Variants in PRTG observed in about 807,000 individuals in gnomAD.
PRTG encodes the protein immunoglobulin superfamily, DCC subclass, member 5.
In PRTG, 67 loss-of-function variants were observed where a neutral mutation model predicts 122.5. The ratio of observed to expected loss-of-function variants is 0.55; its 90% CI spans 0.45 to 0.67. PRTG has a LOEUF of 0.67. Ranked by LOEUF, PRTG falls within the 30% of genes least tolerant of loss-of-function variation. The pLI is 0.00. For synonymous variants in PRTG, 554 were observed against 501.1 expected (o/e 1.11, Z -1.41); for missense variants, 1,435 against 1,415.4 (o/e 1.01, Z -0.22).
At chr15:55,628,453 C>T (rs1411424250) in intron 16 of PRTG, among the ~76,000 whole-genome samples, 9 of 151,784 alleles carry the variant, frequency 5.9e-5, no homozygotes, top group Admixed American at 5.9e-4. Flanking sequence ...TTAATGAAAA[C>T]CATGCTCTCT....
intron 12 of PRTG, 43 bp from the exon 13 acceptor site, chr15:55,639,871 T>C: frequency 6.2e-7 from 1 of 1,601,920 alleles, no homozygotes; most frequent in Non-Finnish European, 8.5e-7. Flanking sequence ...GACATAACAT[T>C]TTAACATAGA....
In PRTG at chr15:55,728,783, A is replaced by C. The variant is rs548254048; in HGVS notation, c.397+11599T>G. Among the ~76,000 whole-genome samples the C allele has an allele frequency of 1.3e-3, 191 of 152,326 alleles. 1 individual carries two copies. Among genetic ancestry groups the C allele is most frequent in the Middle Eastern group, 3.4e-3 (1 of 294 alleles). On this transcript the variant is annotated intron_variant, in intron 2 of 19. Coordinates refer to ENST00000389286, the MANE Select transcript of PRTG (RefSeq NM_173814.6). ...AGTCTAAAAAAAAAAAAGGCATCCA[A>C]ATTGGAGAGAGAGAAATAAAGCTGT... is the stretch of plus-strand genomic sequence containing the variant.
At chr15:55,739,737 G>C (rs1276463158) in intron 2 of PRTG, among the ~76,000 whole-genome samples, 1 of 152,132 alleles carries the variant, frequency 6.6e-6, no homozygotes, top group Non-Finnish European at 1.5e-5. Flanking sequence ...TAATACAAAA[G>C]AAATCATTAG....
chr15:55,619,776 T>C lies in PRTG; in HGVS notation c.*236A>G. On this transcript the variant is annotated 3_prime_UTR_variant, in exon 20 of 20. Coordinates refer to ENST00000389286, the MANE Select transcript of PRTG (RefSeq NM_173814.6). ...AAAAAGCTAAAATACCCCATAAAGA[T>C]ATTAAGATTTTCACAAAAGGCTTTG... The C allele has an allele frequency of 1.8e-6, 1 of 570,800 alleles. No individual in the cohort carries two copies. The highest frequency in any genetic ancestry group is 2.9e-6 in the Non-Finnish European group (1 of 344,760). The allele number at this position is 570,800 out of a possible 1,614,324, so 35.4% of individuals were successfully genotyped here.
In PRTG at chr15:55,680,165, T is replaced by A. The variant is rs1366152925; in HGVS notation, c.862A>T (p.Asn288Tyr). 1 of 1,612,052 alleles carries A rather than the reference T, an allele frequency of 6.2e-7. No homozygotes were observed. The highest frequency in any genetic ancestry group is 8.5e-7 in the Non-Finnish European group (1 of 1,178,180). ...AGCCTGACATCAGATATCATGAGAT[T>A]ACCATTTCCAAGTACCCGAGTATTA... is the stretch of plus-strand genomic sequence containing the variant. Reference protein sequence around the residue: ...VFNTRVLGNGNLMISDVRLQH... With the variant: ...VFNTRVLGNGYLMISDVRLQH... Residue 288 changes from asparagine to tyrosine, a missense_variant, in exon 6 of 20, where the codon AAT becomes TAT. Coordinates refer to ENST00000389286, the MANE Select transcript of PRTG (RefSeq NM_173814.6).
At position 55,639,654 on chromosome 15, in the gene PRTG, A is replaced by G. The variant is rs777998694; in HGVS notation, c.2312T>C (p.Leu771Pro). Residue 771 changes from leucine (L) to proline (P), a missense_variant, in exon 13 of 20, where the codon CTG becomes CCG. Transcript: ENST00000389286. The stretch of plus-strand genomic sequence containing the variant: ...AGGAGCTACATACGTTTGAAGGTAC[A>G]GAACCAAAGAAGCATTCTGCAGGCC... The part of the protein sequence containing the change: ...PVGLQNASLV[L>P]YLQTSETHML... The G allele has an allele frequency of 6.2e-7, 1 of 1,613,934 alleles. No individual in the cohort carries two copies. Among genetic ancestry groups the G allele is most frequent in the Non-Finnish European group, 8.5e-7 (1 of 1,179,956 alleles).
chr15:55,625,712 C>CT (rs1555429169), intron 17 of PRTG, among the ~76,000 whole-genome samples: 5 of 151,786 alleles, frequency 3.3e-5, no homozygotes, highest in African/African-American at 1.2e-4. Context: ...CAAGCTCCCC[C>CT]TCCCGGGTTC....
intron 13 of PRTG, 78 bp downstream of exon 13, chr15:55,639,564 A>G: frequency 7.6e-7 from 1 of 1,319,518 alleles, no homozygotes; most frequent in Non-Finnish European, 1.1e-6. Flanking sequence ...GCTGGGCCCA[A>G]GATGGTAAGA....
At chr15:55,648,341 C>A (rs1390705886) in intron 11 of PRTG, among the ~76,000 whole-genome samples, 1 of 152,148 alleles carries the variant, frequency 6.6e-6, no homozygotes. Context: ...CTCTCTAATG[C>A]CAAAATCTTT....
Position 55,645,380 on chromosome 15 carries a change from G to A in PRTG, c.2042-4172C>T, listed in dbSNP as rs2059315564. On this transcript the variant is annotated intron_variant, in intron 11 of 19. Coordinates refer to ENST00000389286, the MANE Select transcript of PRTG (RefSeq NM_173814.6). Reference sequence around the variant, plus strand: ...ACCCGGGAGGCGGAGCTTGCAGTGAGTCGAGATCGCGCCACTGCACTCCAG... The same window carrying A: ...ACCCGGGAGGCGGAGCTTGCAGTGAATCGAGATCGCGCCACTGCACTCCAG... Among the ~76,000 whole-genome samples the A allele has an allele frequency of 2.5e-5, 3 of 120,946 alleles. 1 individual carries two copies. In the South Asian group the frequency reaches 1.0e-3, roughly 40 times the overall value. 79.3% of individuals were successfully genotyped at this position (120,946 alleles called of 152,430 possible). A position where few individuals can be genotyped will look rare whatever the true frequency, so the allele number is the denominator to read the frequency against.
chr15:55,689,400 A>T (rs572912484), intron 2 of PRTG, among the ~76,000 whole-genome samples: 1 of 152,300 alleles, frequency 6.6e-6, no homozygotes, highest in South Asian at 2.1e-4. Context: ...ATCTTCCTTT[A>T]TGCCAAATAC....
chr15:55,734,479 T>A (rs2031346251), intron 2 of PRTG, among the ~76,000 whole-genome samples: 1 of 152,088 alleles, frequency 6.6e-6, no homozygotes, highest in African/African-American at 2.4e-5. Context: ...CTGTAAGTTT[T>A]AAGGACTAAA....
At chr15:55,686,814 T>C (rs2059572966) in intron 2 of PRTG, among the ~76,000 whole-genome samples, 1 of 152,202 alleles carries the variant, frequency 6.6e-6, no homozygotes, top group Admixed American at 6.5e-5. Flanking sequence ...TATGTGAACA[T>C]TTCCTTCTCT....
chr15:55,711,963 T>C (rs2030405561), intron 2 of PRTG, among the ~76,000 whole-genome samples: 1 of 152,112 alleles, frequency 6.6e-6, no homozygotes, highest in Admixed American at 6.5e-5. Flanking sequence ...ATGACAACCC[T>C]CAGGTGACTG....
chr15:55,740,822 C>T (rs1400530951), intron 1 of PRTG, 138 bp from the exon 2 acceptor site: 2 of 698,156 alleles, frequency 2.9e-6, no homozygotes, highest in African/African-American at 3.6e-5. Context: ...TTACAAACAC[C>T]TTAATGAACC....
Position 55,620,069 on chromosome 15 carries a change from C to A in PRTG, c.3396G>T (p.Glu1132Asp). ...ETGDSGRFSH[E>D]SNDEIHLSSV... The stretch of plus-strand genomic sequence containing the variant: ...AGGACAGATGTATCTCATCGTTGGA[C>A]TCATGAGAAAACCGCCCAGAATCCC... The change falls in exon 20 of 20, where the codon GAG (glutamate) becomes GAT (aspartate). Residue 1132 changes from glutamate (E) to aspartate (D), a missense_variant. Coordinates refer to ENST00000389286, the MANE Select transcript of PRTG (RefSeq NM_173814.6). The A allele has an allele frequency of 6.2e-7, 1 of 1,614,162 alleles. No individual in the cohort carries two copies. Among genetic ancestry groups the A allele is most frequent in the Non-Finnish European group, 8.5e-7 (1 of 1,180,042 alleles).
Position 55,697,357 on chromosome 15 carries a change from C to T in PRTG, c.398-13426G>A, listed in dbSNP as rs114825855. Among the ~76,000 whole-genome samples the T allele has an allele frequency of 3.4e-3, 518 of 152,284 alleles. 2 individuals are homozygous for T. The highest frequency in any genetic ancestry group is 0.012 in the African/African-American group (485 of 41,556). On this transcript the variant is annotated intron_variant, in intron 2 of 19. Transcript: ENST00000389286. ...CAGTGCCCTGCATACAACAGGCACT[C>T]GATAAAGGTTTACTTGAATGAACTC...
chr15:55,721,298 T>C (rs1277160559), intron 2 of PRTG, among the ~76,000 whole-genome samples: 1 of 152,200 alleles, frequency 6.6e-6, no homozygotes, highest in African/African-American at 2.4e-5. Context: ...TCTGCTCTCC[T>C]CACAGACACT....
intron 2 of PRTG, among the ~76,000 whole-genome samples, chr15:55,722,659 A>G (rs2030871093): frequency 6.6e-6 from 1 of 152,234 alleles, no homozygotes; most frequent in Non-Finnish European, 1.5e-5. Context: ...ATTCTTCAAG[A>G]TACCTTATTT....
Sources: allele counts gnomAD v4.1 joint callset (sites outside exome capture counted in the v4.1 genomes callset), GRCh38; gene constraint gnomAD v4.1.1; transcripts MANE v1.5; gene names NCBI Gene and HGNC (gene_info 2026-07-23, HGNC 2026-07-21).